The following ZNF18 variants were observed in gnomAD, a reference collection of about 807,000 sequenced individuals.
ZNF18 encodes the protein heart development-specific gene 1 protein.
In ZNF18, 42 loss-of-function variants were observed where a neutral mutation model predicts 58.1. The ratio of observed to expected loss-of-function variants is 0.72; its 90% CI spans 0.56 to 0.93. The LOEUF (loss-of-function observed/expected upper bound fraction) is 0.93. Ranked by LOEUF, ZNF18 falls within the 40% of genes least tolerant of loss-of-function variation. The pLI is 0.00. For synonymous variants in ZNF18, 231 were observed against 239.8 expected, an observed-to-expected ratio of 0.96 and a Z score of 0.34; for missense variants, 540 against 644.2, an observed-to-expected ratio of 0.84 and a Z score of 1.75.
intron 1 of ZNF18, chr17:11,997,127 G>C (rs954759125): frequency 6.6e-6 from 1 of 152,388 alleles, no homozygotes; most frequent in Non-Finnish European, 1.5e-5. Context: ...GGAAGACAGC[G>C]GGGAGGAGCC....
rs1273494149 is a variant in ZNF18 at position 11,990,569 on chromosome 17, G to A, written c.578-19C>T. Reference sequence around the variant, plus strand: ...GCCAGGGCTGAAGTGAGGAGAGGAAGTTTTCAGAATCTGGATGTCTTCCTT... The same window carrying A: ...GCCAGGGCTGAAGTGAGGAGAGGAAATTTTCAGAATCTGGATGTCTTCCTT... On this transcript the variant is annotated intron_variant, in intron 3 of 6. Coordinates refer to ENST00000580306, the MANE Select transcript of ZNF18 (RefSeq NM_001303281.2). The A allele has an allele frequency of 1.3e-6, 2 of 1,598,542 alleles. No individual in the cohort carries two copies. The highest frequency in any genetic ancestry group is 1.7e-6 in the Non-Finnish European group (2 of 1,173,152).
the ZNF18 span, among the ~76,000 whole-genome samples, chr17:12,011,638 C>T: frequency 6.6e-6 from 1 of 151,816 alleles, no homozygotes; most frequent in East Asian, 1.9e-4. Context: ...CCCACCTCAG[C>T]CTCCCAACAT....
upstream of ZNF18, among the ~76,000 whole-genome samples, chr17:11,998,973 G>A (rs1184901844): frequency 1.3e-5 from 2 of 152,120 alleles, no homozygotes; most frequent in Admixed American, 1.3e-4. Context: ...ATGGCACCTA[G>A]CTGGACGTTT....
the ZNF18 span, among the ~76,000 whole-genome samples, chr17:12,012,023 C>T: frequency 6.2e-4 from 94 of 152,206 alleles, 1 homozygote; most frequent in Admixed American, 6.2e-3. Flanking sequence ...CATTAATTTT[C>T]ATTAGCTATT....
At chr17:11,994,506 T>C (rs2151487635) in intron 1 of ZNF18, among the ~76,000 whole-genome samples, 1 of 152,298 alleles carries the variant, frequency 6.6e-6, no homozygotes, top group African/African-American at 2.4e-5. Flanking sequence ...TGTTACTGTA[T>C]TTTTGTGATA....
upstream of ZNF18, chr17:12,002,437 T>C (rs1449096664): frequency 1.3e-5 from 2 of 152,234 alleles, no homozygotes; most frequent in East Asian, 3.9e-4. Context: ...AGATATTAAC[T>C]TTTTTAATTA....
chr17:12,005,097 T>C, the ZNF18 span, among the ~76,000 whole-genome samples: 2 of 150,454 alleles, frequency 1.3e-5, no homozygotes, highest in Non-Finnish European at 3.0e-5. Context: ...TAAATATATA[T>C]GCATGTATGT....
chr17:12,004,138 G>A, the ZNF18 span, among the ~76,000 whole-genome samples: 1 of 152,226 alleles, frequency 6.6e-6, no homozygotes, highest in Admixed American at 6.5e-5. Context: ...GGCTGAGGCA[G>A]GAGAATCGCT....
the ZNF18 span, among the ~76,000 whole-genome samples, chr17:12,005,549 T>C: frequency 6.6e-6 from 1 of 152,180 alleles, no homozygotes; most frequent in Admixed American, 6.5e-5. Context: ...TAGTATCTGC[T>C]GCCAATGATG....
intron 4 of ZNF18, among the ~76,000 whole-genome samples, chr17:11,988,574 G>T (rs895660480): frequency 6.6e-6 from 1 of 152,188 alleles, no homozygotes; most frequent in African/African-American, 2.4e-5. Context: ...AGTTCACACA[G>T]TGCTGGAAAC....
intron 1 of ZNF18, among the ~76,000 whole-genome samples, chr17:11,996,646 A>G (rs78782848): frequency 0.052 from 7,956 of 152,300 alleles, 430 homozygotes; most frequent in East Asian, 0.19. Flanking sequence ...ACCTGTTATT[A>G]AACCTTTAAC....
chr17:12,016,514 G>C, the ZNF18 span, among the ~76,000 whole-genome samples: 1 of 152,024 alleles, frequency 6.6e-6, no homozygotes, highest in Non-Finnish European at 1.5e-5. Context: ...CTTCTTAGTA[G>C]AGATGGGGTT....
upstream of ZNF18, among the ~76,000 whole-genome samples, chr17:11,998,822 C>CTTTTTTTTTTTT (rs71142260): frequency 1.2e-3 from 130 of 108,512 alleles, 1 homozygote; most frequent in Admixed American, 1.6e-3. Context: ...AGTTTCTAGT[C>CTTTTTTTTTTTT]TTTTTTTTTT....
chr17:12,012,804 G>C, the ZNF18 span, among the ~76,000 whole-genome samples: 1 of 152,104 alleles, frequency 6.6e-6, no homozygotes, highest in Non-Finnish European at 1.5e-5. Context: ...GTCTCCCAAA[G>C]TGTTGGGATT....
the ZNF18 span, among the ~76,000 whole-genome samples, chr17:12,007,500 G>C: frequency 6.6e-6 from 1 of 152,102 alleles, no homozygotes; most frequent in Admixed American, 6.6e-5. Context: ...GATGCTGCCC[G>C]TGGCCTCCTT....
At chr17:12,019,339 T>A in the ZNF18 span, among the ~76,000 whole-genome samples, 1 of 149,000 alleles carries the variant, frequency 6.7e-6, no homozygotes, top group Non-Finnish European at 1.5e-5. Flanking sequence ...TGTGTGTGTT[T>A]AAATTAATTT....
the ZNF18 span, chr17:12,011,034 A>C: frequency 1.3e-6 from 1 of 750,210 alleles, no homozygotes; most frequent in African/African-American, 1.7e-5. Flanking sequence ...AACATTGTAG[A>C]CTCTTCCAGT....
the ZNF18 span, chr17:12,002,484 A>G: frequency 2.0e-5 from 3 of 152,238 alleles, no homozygotes; most frequent in Non-Finnish European, 4.4e-5. Context: ...AGAGTCAGAC[A>G]TGGCAAATAT....
At chr17:12,020,002 T>C in the ZNF18 span, among the ~76,000 whole-genome samples, 1 of 152,232 alleles carries the variant, frequency 6.6e-6, no homozygotes, top group East Asian at 1.9e-4. Flanking sequence ...TTTCTTCTTT[T>C]AGCTACTGTC....
Sources: gnomAD v4.1 joint callset for allele counts (sites outside exome capture counted in the v4.1 genomes callset) on GRCh38, gnomAD v4.1.1 for gene constraint, MANE v1.5 for transcripts, NCBI Gene and HGNC (gene_info 2026-07-23, HGNC 2026-07-21) for gene names.